The following ANKRD46 variants were observed in gnomAD, a reference collection of about 807,000 sequenced individuals.
The protein encoded by ANKRD46 is ankyrin repeat domain 46, also known as ankyrin repeat domain-containing protein 46.
ANKRD46 carries 13 observed loss-of-function variants against 19.8 expected under a neutral mutation model. The observed-to-expected ratio is 0.66, with a 90% CI of 0.43 to 1.04. The LOEUF (loss-of-function observed/expected upper bound fraction) is 1.04, where lower values mean the gene tolerates loss of function less well. Ranked by LOEUF, ANKRD46 falls within the 50% of genes least tolerant of loss-of-function variation. The pLI is 0.00. For missense variants in ANKRD46, 185 were observed against 274.8 expected (o/e 0.67, Z 2.31); for synonymous variants, 91 against 106.9 (o/e 0.85, Z 0.92).
At chr8:100,526,912 T>C (rs1470835126) in intron 4 of ANKRD46, among the ~76,000 whole-genome samples, 1 of 152,062 alleles carries the variant, frequency 6.6e-6, no homozygotes, top group Non-Finnish European at 1.5e-5. Context: ...TGTGGGCCCT[T>C]GCTTATTCTA....
In ANKRD46 at chr8:100,528,003, G is replaced by C; in HGVS notation, c.312C>G (p.Cys104Trp). 8.6e-7 allele frequency: 1 copy of C among 1,156,120 alleles called. No homozygotes were observed. Among genetic ancestry groups the C allele is most frequent in the Non-Finnish European group, 1.1e-6 (1 of 909,398 alleles). 71.6% of individuals were successfully genotyped at this position (1,156,120 alleles called of 1,614,324 possible). Residue 104 changes from cysteine to tryptophan, a missense_variant and splice_region_variant, in exon 4 of 5, where the codon TGC (cysteine) becomes TGG (tryptophan). Coordinates refer to ENST00000335659, the MANE Select transcript of ANKRD46 (RefSeq NM_001270377.2). ...LVSNGLKIDI[C>W]NHQGATPLVL... ...CTAAAGGGGTAGCACCTTGATGATTGCTAAAAAAAAAAAAAAAAAAAAAAG... is the reference window on the plus strand; with the variant it reads ...CTAAAGGGGTAGCACCTTGATGATTCCTAAAAAAAAAAAAAAAAAAAAAAG...
At chr8:100,541,430 C>T (rs1481013457) in intron 1 of ANKRD46, among the ~76,000 whole-genome samples, 1 of 152,172 alleles carries the variant, frequency 6.6e-6, no homozygotes, top group Non-Finnish European at 1.5e-5. Flanking sequence ...GTAGTAGTCA[C>T]GTGTCGCTTA....
At chr8:100,528,075 G>GTTCCATT in intron 3 of ANKRD46, 72 bp from the exon 4 acceptor site, 2 of 1,399,814 alleles carry the variant, frequency 1.4e-6, no homozygotes, top group Non-Finnish European at 1.9e-6. Flanking sequence ...TACATTGTCA[G>GTTCCATT]TTCCATTTTT....
intron 1 of ANKRD46, among the ~76,000 whole-genome samples, chr8:100,549,884 T>C (rs984713586): frequency 6.6e-6 from 1 of 152,242 alleles, no homozygotes; most frequent in Non-Finnish European, 1.5e-5. Flanking sequence ...ATATTTTTAT[T>C]GTCTCTATAA....
Position 100,553,928 on chromosome 8 carries a change from G to A in ANKRD46, c.-131+5783C>T, listed in dbSNP as rs576867971. Among the ~76,000 whole-genome samples, 53 of 152,228 alleles carry A rather than the reference G, an allele frequency of 3.5e-4. 1 individual carries two copies. In the South Asian group the frequency reaches 0.011, roughly 30 times the overall value. On this transcript the variant is annotated intron_variant, in intron 1 of 4. Transcript: ENST00000335659. Reference sequence around the variant, plus strand: ...GGAAAGGTAGCTAAATAAACCATTCGTGCTCTTGCATTTGTTTCTGATTTA... The same window carrying A: ...GGAAAGGTAGCTAAATAAACCATTCATGCTCTTGCATTTGTTTCTGATTTA...
chr8:100,554,208 G>A (rs1812449332), intron 1 of ANKRD46, among the ~76,000 whole-genome samples: 1 of 152,166 alleles, frequency 6.6e-6, no homozygotes, highest in Non-Finnish European at 1.5e-5. Flanking sequence ...CTCTAATAAT[G>A]TACTGGCAAG....
intron 1 of ANKRD46, among the ~76,000 whole-genome samples, chr8:100,551,929 C>T (rs1467759081): frequency 1.3e-5 from 2 of 152,140 alleles, no homozygotes; most frequent in African/African-American, 4.8e-5. Context: ...GTGGGCGGAT[C>T]ACCTGAGGTC....
At position 100,528,004 on chromosome 8, in the gene ANKRD46, C is replaced by CAAA; in HGVS notation, c.312-2_312-1insTTT. 4 of 1,041,854 alleles carry CAAA rather than the reference C, an allele frequency of 3.8e-6. No individual in the cohort carries two copies. Among genetic ancestry groups the CAAA allele is most frequent in the South Asian group, 3.6e-5 (1 of 28,002 alleles). The allele number at this position is 1,041,854 out of a possible 1,614,324, so 64.5% of individuals were successfully genotyped here. A position where few individuals can be genotyped will look rare whatever the true frequency, so the allele number is the denominator to read the frequency against. Reference sequence around the variant, plus strand: ...TAAAGGGGTAGCACCTTGATGATTGCTAAAAAAAAAAAAAAAAAAAAAAGT... The same window carrying CAAA: ...TAAAGGGGTAGCACCTTGATGATTGCAAATAAAAAAAAAAAAAAAAAAAAAAGT... On this transcript the variant is annotated splice_acceptor_variant, in intron 3 of 4. Transcript: ENST00000335659. LOFTEE classifies it high-confidence loss of function.
Position 100,534,480 on chromosome 8 carries a change from A to G in ANKRD46, c.-130-1169T>C, listed in dbSNP as rs538020604. Among the ~76,000 whole-genome samples the G allele has an allele frequency of 1.3e-5, 2 of 152,188 alleles. No homozygotes were observed. The highest frequency in any genetic ancestry group is 2.9e-5 in the Non-Finnish European group (2 of 68,034). ...GAGCCACTTACCTTGATTTCCTTAA[A>G]CAAATATTATGTATTCACCCAAAGC... On this transcript the variant is annotated intron_variant, in intron 1 of 4. Coordinates refer to ENST00000335659, the MANE Select transcript of ANKRD46 (RefSeq NM_001270377.2). The surrounding 1 kb of genome is among the most constrained non-coding windows in gnomAD (Gnocchi z 4.2).
chr8:100,549,113 T>C (rs1812330691), intron 1 of ANKRD46, among the ~76,000 whole-genome samples: 1 of 79,382 alleles, frequency 1.3e-5, no homozygotes, highest in Non-Finnish European at 2.5e-5. Flanking sequence ...CTAGCATTAA[T>C]GCTGTTTTTT....
chr8:100,552,976 T>C (rs1394027924), intron 1 of ANKRD46, among the ~76,000 whole-genome samples: 2 of 152,198 alleles, frequency 1.3e-5, no homozygotes, highest in Admixed American at 6.5e-5. Context: ...GAAAAAAATA[T>C]GGTTTGTGGC....
chr8:100,510,856 C>T lies in ANKRD46; in HGVS notation c.637-217G>A, dbSNP rs1199403082. ...CTATAGGGAAGGCTGGGAAGATTGG[C>T]AAGGACTGTGTTCAATGTCCTCTCG... On this transcript the variant is annotated intron_variant, in intron 5 of 5. Transcript: ENST00000520552. The surrounding 1 kb of genome is among the most constrained non-coding windows in gnomAD (Gnocchi z 4.9). Among the ~76,000 whole-genome samples the T allele has an allele frequency of 6.6e-6, 1 of 152,094 alleles. No individual in the cohort carries two copies. Among genetic ancestry groups the T allele is most frequent in the East Asian group, 1.9e-4 (1 of 5,190 alleles).
intron 1 of ANKRD46, among the ~76,000 whole-genome samples, chr8:100,548,673 A>C (rs1187641788): frequency 6.6e-6 from 1 of 152,254 alleles, no homozygotes; most frequent in Non-Finnish European, 1.5e-5. Flanking sequence ...TAAAGTATGC[A>C]TTCAAACAAG....
intron 4 of ANKRD46, among the ~76,000 whole-genome samples, chr8:100,523,010 G>A (rs926282606): frequency 1.5e-4 from 23 of 151,874 alleles, no homozygotes; most frequent in African/African-American, 5.3e-4. Flanking sequence ...TTAGAATTTA[G>A]TAAACTCAAG....
At chr8:100,542,085 G>C (rs1372889163) in intron 1 of ANKRD46, among the ~76,000 whole-genome samples, 1 of 152,054 alleles carries the variant, frequency 6.6e-6, no homozygotes, top group East Asian at 1.9e-4. Flanking sequence ...CATAATGACA[G>C]TGGGTGGACA....
rs1379821972 is a variant in ANKRD46, at chr8:100,550,004, T to C, written c.-131+9707A>G. Among the ~76,000 whole-genome samples the C allele has an allele frequency of 9.2e-5, 14 of 152,252 alleles. No homozygotes were observed. The highest frequency in any genetic ancestry group is 1.9e-4 in the East Asian group (1 of 5,206). On this transcript the variant is annotated intron_variant, in intron 1 of 4. Transcript: ENST00000335659. The surrounding 1 kb of genome is among the most constrained non-coding windows in gnomAD (Gnocchi z 4.4). ...TTTTCTGTATCTTCTCATGGCTTCA[T>C]AGTTTCTCTTTAGGACTGCATAATA... is the stretch of plus-strand genomic sequence containing the variant.
At chr8:100,517,182 T>C (rs1396248018), downstream of ANKRD46, among the ~76,000 whole-genome samples, 2 of 152,232 alleles carry the variant, frequency 1.3e-5, no homozygotes, top group Non-Finnish European at 2.9e-5. Context: ...ACAGTTCAAG[T>C]ACCCAGCTCT....
intron 1 of ANKRD46, among the ~76,000 whole-genome samples, chr8:100,555,636 C>T (rs1306908871): frequency 7.5e-6 from 1 of 132,524 alleles, no homozygotes; most frequent in Non-Finnish European, 1.6e-5. Flanking sequence ...GCAATGAGAA[C>T]AAGAAAGGAG....
rs935181637 is a variant in ANKRD46, at chr8:100,524,842, C to T, written c.471-2071G>A. Among the ~76,000 whole-genome samples the T allele has an allele frequency of 6.6e-6, 1 of 152,126 alleles. No individual in the cohort carries two copies. Among genetic ancestry groups the T allele is most frequent in the African/African-American group, 2.4e-5 (1 of 41,422 alleles). Reference sequence around the variant, plus strand: ...TATAAAGACTTTATCCAATGAAATGCTTTCTACTGTCCAGGGAATATCTGA... The same window carrying T: ...TATAAAGACTTTATCCAATGAAATGTTTTCTACTGTCCAGGGAATATCTGA... On this transcript the variant is annotated intron_variant, in intron 4 of 4. Coordinates refer to ENST00000335659, the MANE Select transcript of ANKRD46 (RefSeq NM_001270377.2). The surrounding 1 kb of genome is among the most constrained non-coding windows in gnomAD (Gnocchi z 4.3).
Sources: allele counts gnomAD v4.1 joint callset (sites outside exome capture counted in the v4.1 genomes callset), GRCh38; gene constraint gnomAD v4.1.1; non-coding constraint Gnocchi (gnomAD v3.1); transcripts MANE v1.5; gene names NCBI Gene and HGNC (gene_info 2026-07-23, HGNC 2026-07-21).